INTS6L: variants seen among roughly 807,000 people sequenced by gnomAD.
INTS6L encodes integrator complex subunit 6-like.
Under a neutral mutation model 64.7 loss-of-function variants are expected in INTS6L, and 18 were observed. That is an observed-to-expected ratio of 0.28 (90% CI 0.19 to 0.41). The LOEUF is 0.41. INTS6L is among the 10% of genes least tolerant of loss of function. The probability of loss-of-function intolerance (pLI) is 1.00; values close to 1 mark genes in which losing one functional copy is unlikely to be tolerated. For missense variants in INTS6L, 533 were observed against 661.0 expected, an observed-to-expected ratio of 0.81 and a Z score of 2.12; for synonymous variants, 227 against 235.9, an observed-to-expected ratio of 0.96 and a Z score of 0.34.
In INTS6L at chrX:135,521,235, C is replaced by T; in HGVS notation, c.112-6C>T. On this transcript the variant is annotated splice_polypyrimidine_tract_variant and splice_region_variant and intron_variant, in intron 1 of 17. Transcript: ENST00000639893. ...GCGACCCCCTCCGTCATCCCTTGCCCCGCAGCTGCGCGCCCGGGACCCGGC... is the reference window on the plus strand; with the variant it reads ...GCGACCCCCTCCGTCATCCCTTGCCTCGCAGCTGCGCGCCCGGGACCCGGC... The T allele has an allele frequency of 8.3e-7, 1 of 1,207,073 alleles. No homozygotes were observed. Among genetic ancestry groups the T allele is most frequent in the Non-Finnish European group, 1.1e-6 (1 of 893,272 alleles).
intron 7 of INTS6L, among the ~76,000 whole-genome samples, chrX:135,551,489 CT>C (rs370585006): frequency 3.2e-4 from 36 of 112,318 alleles, no homozygotes; most frequent in African/African-American, 1.1e-3. Flanking sequence ...CAGTCTCTAT[CT>C]TGCCCTCTCC....
intron 11 of INTS6L, chrX:135,572,559 G>T: frequency 7.5e-6 from 2 of 265,973 alleles, no homozygotes; most frequent in South Asian, 1.0e-4. Context: ...CTTATTCATG[G>T]TTTTTATTCT....
In INTS6L at chrX:135,524,315, GTCTT is replaced by G. The variant is rs1270482992; in HGVS notation, c.189+3003_189+3006del. Among the ~76,000 whole-genome samples the G allele has an allele frequency of 9.9e-5, 11 of 111,436 alleles. No homozygotes were observed. In the Admixed American group the frequency reaches 1.1e-3, roughly 11 times the overall value. ...TTCTGTCACACTGATTATCAAATAG[GTCTT>G]TCTTTGATTGTCAGCGGGCACCTTA... On this transcript the variant is annotated intron_variant, in intron 2 of 17. Coordinates refer to ENST00000639893, the MANE Select transcript of INTS6L (RefSeq NM_001351601.3).
At chrX:135,531,262 A>G (rs924670870) in intron 2 of INTS6L, among the ~76,000 whole-genome samples, 8 of 111,933 alleles carry the variant, frequency 7.1e-5, no homozygotes, top group African/African-American at 2.6e-4. Flanking sequence ...CCTCTCTCTG[A>G]TAATTCTTTC....
chrX:135,531,489 G>A lies in INTS6L; in HGVS notation c.189+10171G>A, dbSNP rs375016508. Among the ~76,000 whole-genome samples the A allele has an allele frequency of 4.8e-4, 54 of 111,361 alleles. 1 individual carries two copies. In the South Asian group the frequency reaches 0.02, roughly 41 times the overall value. ...TTATTCAGCTTTGTTTTTTCTTTTT[G>A]CCTTCCATCTTCTCTGGCTTATCTG... On this transcript the variant is annotated intron_variant, in intron 2 of 17. Transcript: ENST00000639893.
At position 135,537,225 on chromosome X, in the gene INTS6L, C is replaced by T. The variant is rs373034544; in HGVS notation, c.190-8198C>T. Among the ~76,000 whole-genome samples, 16 of 111,926 alleles carry T rather than the reference C, an allele frequency of 1.4e-4. No homozygotes were observed. In the East Asian group the frequency reaches 1.7e-3, roughly 12 times the overall value. ...ATAAATAGCTAGTGGCTAGTCAGAT[C>T]AAGCTGGGACAAGAACCCAGGTCAC... On this transcript the variant is annotated intron_variant, in intron 2 of 17. Transcript: ENST00000639893.
intron 2 of INTS6L, among the ~76,000 whole-genome samples, chrX:135,531,183 G>A (rs1486117648): frequency 8.9e-6 from 1 of 112,585 alleles, no homozygotes; most frequent in Non-Finnish European, 1.9e-5. Context: ...CTTTGTCCTT[G>A]ACTACATTTG....
intron 8 of INTS6L, among the ~76,000 whole-genome samples, chrX:135,554,568 G>A (rs1333847241): frequency 8.9e-6 from 1 of 111,793 alleles, no homozygotes; most frequent in South Asian, 3.7e-4. Context: ...GATATTGGTA[G>A]TACTGAGAAC....
chrX:135,576,327 C>CAAAAAAAA (rs34207940), intron 14 of INTS6L, among the ~76,000 whole-genome samples: 1 of 69,373 alleles, frequency 1.4e-5, no homozygotes, highest in Non-Finnish European at 2.6e-5. Flanking sequence ...GACTCCATCT[C>CAAAAAAAA]AAAAAAAAAA....
chrX:135,546,792 C>G lies in INTS6L; in HGVS notation c.520C>G (p.Arg174Gly). 8.3e-7 allele frequency: 1 copy of G among 1,211,413 alleles called. No individual in the cohort carries two copies. The highest frequency in any genetic ancestry group is 1.1e-6 in the Non-Finnish European group (1 of 895,323). The change falls in exon 5 of 18, where the codon CGT becomes GGT. Residue 174 changes from arginine (R) to glycine (G), a missense_variant. Arg to Gly is a moderately radical substitution (Grantham distance 125). Transcript: ENST00000639893. The part of the protein sequence containing the change: ...WDQRLFALVL[R>G]LPGVASTEPE... ...TCAAAGGTTATTTGCCCTGGTGTTG[C>G]GTTTGCCTGGAGTGGCTTCTACCGA...
At chrX:135,555,132 G>A (rs1443888124) in intron 8 of INTS6L, among the ~76,000 whole-genome samples, 3 of 110,188 alleles carry the variant, frequency 2.7e-5, no homozygotes, top group African/African-American at 6.6e-5. Context: ...CAGGTGATCC[G>A]CCCGCCTCGG....
chrX:135,556,535 A>G (rs1166599626), intron 9 of INTS6L, among the ~76,000 whole-genome samples: 4 of 111,203 alleles, frequency 3.6e-5, no homozygotes, highest in Admixed American at 9.6e-5. Flanking sequence ...GCAACTTCCA[A>G]TGCACACCCC....
At chrX:135,541,907 T>C (rs1328870214) in intron 2 of INTS6L, among the ~76,000 whole-genome samples, 1 of 112,575 alleles carries the variant, frequency 8.9e-6, no homozygotes, top group Non-Finnish European at 1.9e-5. Context: ...TATCTCTTTA[T>C]AATTATCTTT....
At chrX:135,558,390 A>G (rs142177963) in intron 9 of INTS6L, among the ~76,000 whole-genome samples, 1,569 of 112,439 alleles carry the variant, frequency 0.014, 21 homozygotes, top group African/African-American at 0.048. Context: ...CCAAAAAAAA[A>G]TCCATTGATG....
intron 8 of INTS6L, among the ~76,000 whole-genome samples, chrX:135,553,731 A>G (rs1426977632): frequency 2.7e-5 from 3 of 111,511 alleles, no homozygotes; most frequent in African/African-American, 9.8e-5. Context: ...AAATGTAGAG[A>G]TATGGATAAT....
chrX:135,546,563 C>A, intron 4 of INTS6L, 94 bp downstream of exon 4: 2 of 987,553 alleles, frequency 2.0e-6, no homozygotes, highest in South Asian at 2.7e-5. Context: ...TAAGTTTGGT[C>A]AAATCATCCA....
intron 9 of INTS6L, among the ~76,000 whole-genome samples, chrX:135,563,488 G>A (rs1335183023): frequency 9.3e-6 from 1 of 107,801 alleles, no homozygotes; most frequent in Non-Finnish European, 1.9e-5. Flanking sequence ...TCCTTTAGCT[G>A]TTTTTTAAGG....
intron 8 of INTS6L, among the ~76,000 whole-genome samples, chrX:135,553,838 C>A (rs900791166): frequency 9.0e-6 from 1 of 111,689 alleles, no homozygotes; most frequent in African/African-American, 3.3e-5. Flanking sequence ...TATAGCTTTT[C>A]CCTAAAATAA....
intron 6 of INTS6L, among the ~76,000 whole-genome samples, chrX:135,548,887 C>CG (rs1569510640): frequency 9.0e-6 from 1 of 111,440 alleles, no homozygotes; most frequent in African/African-American, 3.3e-5. Context: ...TGATTTGAGG[C>CG]GGGGGGAGAA....
Sources: gnomAD v4.1 joint callset for allele counts (sites outside exome capture counted in the v4.1 genomes callset) on GRCh38, gnomAD v4.1.1 for gene constraint, MANE v1.5 for transcripts, NCBI Gene and HGNC (gene_info 2026-07-23, HGNC 2026-07-21) for gene names.